PTPRN2: variants seen among roughly 807,000 people sequenced by gnomAD.
PTPRN2 encodes receptor-type tyrosine-protein phosphatase N2.
In PTPRN2, 74 loss-of-function variants were observed where a neutral mutation model predicts 118.8. That is an observed-to-expected ratio of 0.62 (90% CI 0.52 to 0.76). PTPRN2 has a LOEUF of 0.76. Among genes scored for constraint, PTPRN2 ranks in the 30% least tolerant of loss-of-function variants. The pLI, the probability that PTPRN2 is intolerant of heterozygous loss-of-function variation, is 0.00. For synonymous variants in PTPRN2, 641 were observed against 608.0 expected, an observed-to-expected ratio of 1.05 and a Z score of -0.80; for missense variants, 1,481 against 1,394.4, an observed-to-expected ratio of 1.06 and a Z score of -0.99.
chr7:158,477,282 G>A (rs1298731556), intron 2 of PTPRN2, among the ~76,000 whole-genome samples: 1 of 152,158 alleles, frequency 6.6e-6, no homozygotes, highest in African/African-American at 2.4e-5. Context: ...CAGGGCCCTG[G>A]CTGCTAGATT....
At chr7:158,125,771 C>A (rs1418959526) in intron 9 of PTPRN2, among the ~76,000 whole-genome samples, 1 of 152,280 alleles carries the variant, frequency 6.6e-6, no homozygotes, top group East Asian at 1.9e-4. Flanking sequence ...CAAAACAGAA[C>A]CCCTGAAATC....
intron 11 of PTPRN2, among the ~76,000 whole-genome samples, chr7:158,060,956 G>A (rs1390598147): frequency 2.0e-5 from 3 of 152,192 alleles, no homozygotes; most frequent in Admixed American, 1.3e-4. Context: ...CAGTATTTAT[G>A]AGCTGCATTT....
At chr7:157,669,058 C>T (rs927524879) in intron 13 of PTPRN2, among the ~76,000 whole-genome samples, 4 of 152,304 alleles carry the variant, frequency 2.6e-5, no homozygotes, top group Admixed American at 6.5e-5. Flanking sequence ...TTGAGGAGAG[C>T]GACTTTACAC....
At chr7:158,137,655 A>G (rs1585572913) in intron 7 of PTPRN2, among the ~76,000 whole-genome samples, 1 of 152,214 alleles carries the variant, frequency 6.6e-6, no homozygotes, top group South Asian at 2.1e-4. Flanking sequence ...CAGCCAAGTC[A>G]GGCTTCCAGC....
chr7:158,358,814 C>T (rs979469056), intron 2 of PTPRN2, among the ~76,000 whole-genome samples: 1 of 152,184 alleles, frequency 6.6e-6, no homozygotes, highest in African/African-American at 2.4e-5. Context: ...AGCATTAATG[C>T]GCACAGAGGT....
At chr7:158,009,131 C>T (rs1001974021) in intron 11 of PTPRN2, among the ~76,000 whole-genome samples, 4 of 152,178 alleles carry the variant, frequency 2.6e-5, no homozygotes, top group Admixed American at 1.3e-4. Context: ...ACCTGGTGCC[C>T]GTGACCGACC....
At chr7:158,343,026 G>A (rs1375916735) in intron 2 of PTPRN2, among the ~76,000 whole-genome samples, 1 of 152,166 alleles carries the variant, frequency 6.6e-6, no homozygotes. Context: ...TCCAGCCTGG[G>A]CAACAAGAGT....
At chr7:158,440,063 C>A (rs1586674754) in intron 2 of PTPRN2, among the ~76,000 whole-genome samples, 3 of 152,334 alleles carry the variant, frequency 2.0e-5, no homozygotes, top group African/African-American at 2.4e-5. Flanking sequence ...GTCCTGACAA[C>A]CTCCTGGCCT....
intron 2 of PTPRN2, among the ~76,000 whole-genome samples, chr7:158,418,191 C>T: frequency 6.6e-6 from 1 of 150,962 alleles, no homozygotes; most frequent in South Asian, 2.1e-4. Flanking sequence ...CTCTCCGTGT[C>T]CTGCTGTGTT....
At chr7:158,417,155 T>C (rs1814737813) in intron 2 of PTPRN2, among the ~76,000 whole-genome samples, 1 of 151,958 alleles carries the variant, frequency 6.6e-6, no homozygotes. Context: ...TAAGTCACAG[T>C]GTACTACATT....
rs987576652 is a variant in PTPRN2 at position 157,591,550 on chromosome 7, T to C, written c.2496+3688A>G. ...ACACGTTACCGTGGGTTTGGAAAAG[T>C]TCTGCCTTCCGTGGGAGGTTTTAAA... On this transcript the variant is annotated intron_variant, in intron 17 of 22. Coordinates refer to ENST00000389418, the MANE Select transcript of PTPRN2 (RefSeq NM_002847.5). The surrounding 1 kb of genome is among the most constrained non-coding windows in gnomAD (Gnocchi z 4.4). Among the ~76,000 whole-genome samples the C allele has an allele frequency of 2.6e-5, 4 of 152,244 alleles. No individual in the cohort carries two copies. Among genetic ancestry groups the C allele is most frequent in the Admixed American group, 1.3e-4 (2 of 15,288 alleles).
intron 1 of PTPRN2, among the ~76,000 whole-genome samples, chr7:158,550,480 G>A (rs1826575789): frequency 6.6e-6 from 1 of 152,244 alleles, no homozygotes; most frequent in African/African-American, 2.4e-5. Context: ...TGAGGTCTGG[G>A]CAGGGAGAGG....
chr7:158,492,296 G>T (rs1030834953), intron 1 of PTPRN2, among the ~76,000 whole-genome samples: 5 of 152,216 alleles, frequency 3.3e-5, no homozygotes, highest in Admixed American at 1.3e-4. Flanking sequence ...CAGAGACCTT[G>T]GGGGAAGGCA....
chr7:158,364,623 C>T lies in PTPRN2; in HGVS notation c.164-47691G>A, dbSNP rs184101616. On this transcript the variant is annotated intron_variant, in intron 2 of 22. Coordinates refer to ENST00000389418, the MANE Select transcript of PTPRN2 (RefSeq NM_002847.5). ...TTAAACATCAGACTTCACGCTGACA[C>T]GCTGAGAGTGAGGATCTCCATGCAT... 2.5e-4 allele frequency among the ~76,000 whole-genome samples: 38 copies of T among 152,332 alleles called. 1 individual carries two copies. Among genetic ancestry groups the T allele is most frequent in the Admixed American group, 1.7e-3 (26 of 15,294 alleles).
At chr7:157,699,846 G>A (rs1797981514) in intron 12 of PTPRN2, among the ~76,000 whole-genome samples, 1 of 152,224 alleles carries the variant, frequency 6.6e-6, no homozygotes, top group South Asian at 2.1e-4. Flanking sequence ...GTGGCCAACT[G>A]CATGGAGCCG....
At chr7:158,026,118 G>C (rs1220063191) in intron 11 of PTPRN2, among the ~76,000 whole-genome samples, 1 of 152,246 alleles carries the variant, frequency 6.6e-6, no homozygotes, top group African/African-American at 2.4e-5. Context: ...TGGAAACCGG[G>C]GTCGGCGCGG....
intron 12 of PTPRN2, among the ~76,000 whole-genome samples, chr7:157,695,088 G>A (rs1797699656): frequency 6.6e-6 from 1 of 152,068 alleles, no homozygotes; most frequent in South Asian, 2.1e-4. Context: ...TTTGTTATGT[G>A]TAAAACCTAA....
At chr7:158,538,234 C>T (rs978199766) in intron 1 of PTPRN2, among the ~76,000 whole-genome samples, 1 of 152,240 alleles carries the variant, frequency 6.6e-6, no homozygotes, top group Non-Finnish European at 1.5e-5. Flanking sequence ...TCATACTCGA[C>T]GTAGCCCACA....
chr7:157,802,226 G>A (rs1444671874), intron 12 of PTPRN2, among the ~76,000 whole-genome samples: 1 of 152,198 alleles, frequency 6.6e-6, no homozygotes, highest in Non-Finnish European at 1.5e-5. Flanking sequence ...CCCTTGGAAC[G>A]GCCCCTTCCC....
Sources: gnomAD v4.1 joint callset for allele counts (sites outside exome capture counted in the v4.1 genomes callset) on GRCh38, gnomAD v4.1.1 for gene constraint, Gnocchi (gnomAD v3.1) non-coding constraint, MANE v1.5 for transcripts, NCBI Gene and HGNC (gene_info 2026-07-23, HGNC 2026-07-21) for gene names.